Variants in NBR1 observed in about 807,000 individuals in gnomAD.
NBR1 encodes the protein NBR1 autophagy cargo receptor.
NBR1 carries 59 observed loss-of-function variants against 115.5 expected under a neutral mutation model. The ratio of observed to expected loss-of-function variants is 0.51; its 90% confidence interval spans 0.41 to 0.63. The LOEUF is 0.63. Ranked by LOEUF, NBR1 falls within the 30% of genes least tolerant of loss-of-function variation. The pLI, the probability that NBR1 is intolerant of heterozygous loss-of-function variation, is 0.00. For missense variants in NBR1, 1,043 were observed against 1,150.5 expected, an observed-to-expected ratio of 0.91 and a Z score of 1.35; for synonymous variants, 373 against 414.7, an observed-to-expected ratio of 0.90 and a Z score of 1.22.
intron 20 of NBR1, among the ~76,000 whole-genome samples, chr17:43,206,286 G>T (rs560713441): frequency 1.3e-5 from 2 of 152,264 alleles, no homozygotes; most frequent in African/African-American, 4.8e-5. Flanking sequence ...CAATTGAAGG[G>T]TTTTAAGGAA....
At chr17:43,197,134 A>T in intron 16 of NBR1, 28 bp downstream of exon 16, 1 of 1,607,698 alleles carries the variant, frequency 6.2e-7, no homozygotes, top group Non-Finnish European at 8.5e-7. Flanking sequence ...TCCCCTACCT[A>T]GCAGGGTGGC....
At chr17:43,190,502 T>C in intron 8 of NBR1, 107 bp from the exon 9 acceptor site, 3 of 1,227,458 alleles carry the variant, frequency 2.4e-6, no homozygotes, top group Non-Finnish European at 3.5e-6. Context: ...ATGCTCAGGT[T>C]ACCTGCTAGT....
chr17:43,195,212 G>A (rs2057039407), intron 14 of NBR1, 173 bp downstream of exon 14: 1 of 623,296 alleles, frequency 1.6e-6, no homozygotes, highest in African/African-American at 1.9e-5. Context: ...TTTGTCAAAA[G>A]TAACAACATG....
chr17:43,181,306 A>G (rs1309837291), intron 5 of NBR1, among the ~76,000 whole-genome samples: 1 of 152,228 alleles, frequency 6.6e-6, no homozygotes, highest in Non-Finnish European at 1.5e-5. Context: ...GGCAATTCAT[A>G]ATAAAAAGGT....
rs56328645 is a variant in NBR1, at chr17:43,194,235, A to G, written c.1525-115A>G. 4 of 974,102 alleles carry G rather than the reference A, an allele frequency of 4.1e-6. No individual in the cohort carries two copies. The East Asian group carries it at 7.6e-5, about 19-fold the overall frequency. The allele number at this position is 974,102 out of a possible 1,614,324, so 60.3% of individuals were successfully genotyped here. A position where few individuals can be genotyped will look rare whatever the true frequency, so the allele number is the denominator to read the frequency against. On this transcript the variant is annotated intron_variant, in intron 12 of 20. Coordinates refer to ENST00000590996, the MANE Select transcript of NBR1 (RefSeq NM_005899.5). ...ATAACTGTAAAAATATATCAAAAAC[A>G]TTGTTTTTTAAAATATGGAGGTACA...
At chr17:43,181,409 C>T (rs962403853) in intron 5 of NBR1, among the ~76,000 whole-genome samples, 9 of 152,032 alleles carry the variant, frequency 5.9e-5, no homozygotes, top group East Asian at 3.9e-4. Context: ...TGGTGGCTCA[C>T]GCCTGTAATC....
intron 4 of NBR1, 26 bp downstream of exon 4, chr17:43,179,438 G>T (rs750586087): frequency 3.7e-6 from 6 of 1,608,924 alleles, no homozygotes; most frequent in Non-Finnish European, 4.3e-6. Flanking sequence ...AGTCTGTTCA[G>T]CCTTGTTTAA....
Position 43,197,123 on chromosome 17 carries a change from T to G in NBR1, c.2026+17T>G, listed in dbSNP as rs1398836196. On this transcript the variant is annotated intron_variant, in intron 16 of 20. Transcript: ENST00000590996. ...CCTTGCAGAGTGAGTGTCCTTGCAT[T>G]TCCCCTACCTAGCAGGGTGGCACCT... is the stretch of plus-strand genomic sequence containing the variant. 1 of 1,612,356 alleles carries G rather than the reference T, an allele frequency of 6.2e-7. No homozygotes were observed. The highest frequency in any genetic ancestry group is 8.5e-7 in the Non-Finnish European group (1 of 1,179,064).
At chr17:43,193,782 T>G in intron 12 of NBR1, 144 bp downstream of exon 12, 37 of 855,536 alleles carry the variant, frequency 4.3e-5, no homozygotes, top group Non-Finnish European at 6.0e-5. Context: ...AACACATCTC[T>G]ATGCTGATAT....
intron 1 of NBR1, among the ~76,000 whole-genome samples, chr17:43,174,158 G>T (rs1267969992): frequency 1.3e-5 from 2 of 152,062 alleles, no homozygotes; most frequent in African/African-American, 4.8e-5. Flanking sequence ...AAATAATCTA[G>T]TAGGGAAAGG....
chr17:43,201,901 C>T (rs138572696), intron 18 of NBR1, 121 bp downstream of exon 18: 40,072 of 653,676 alleles, frequency 0.061, 1,568 homozygotes, highest in Non-Finnish European at 0.073. Context: ...CTTCACAGGC[C>T]AGGCGTGGTG....
chr17:43,195,160 G>T (rs972464371), intron 14 of NBR1, 121 bp downstream of exon 14: 2 of 759,002 alleles, frequency 2.6e-6, no homozygotes, highest in Non-Finnish European at 4.5e-6. Flanking sequence ...CAGTAGGATA[G>T]TAAAGCAGCA....
chr17:43,184,369 A>ATTTTTTTTTTT lies in NBR1; in HGVS notation c.208-1879_208-1878insTTTTTTTTTTT, dbSNP rs1597977030. Among the ~76,000 whole-genome samples, 19 of 21,794 alleles carry ATTTTTTTTTTT rather than the reference A, an allele frequency of 8.7e-4. 1 individual carries two copies. The highest frequency in any genetic ancestry group is 3.7e-3 in the South Asian group (1 of 270). 14.3% of individuals were successfully genotyped at this position (21,794 alleles called of 152,430 possible). On this transcript the variant is annotated intron_variant, in intron 5 of 20. Coordinates refer to ENST00000590996, the MANE Select transcript of NBR1 (RefSeq NM_005899.5). ...CCACCTCTCATCGCCCCAAAATACT[A>ATTTTTTTTTTT]TTCTTTTTTTTTTTGAGACAGAGTC... is the stretch of plus-strand genomic sequence containing the variant.
At chr17:43,182,160 CTA>C (rs2056684191) in intron 5 of NBR1, among the ~76,000 whole-genome samples, 1 of 148,592 alleles carries the variant, frequency 6.7e-6, no homozygotes, top group Non-Finnish European at 1.5e-5. Context: ...TGTTCTAGAA[CTA>C]TGTTTACTGG....
rs751802649 is a variant in NBR1 at position 43,200,246 on chromosome 17, GGAGGAGGAGGAGGATGAGGAGGAT to G, written c.2125_2148del (p.Glu709_Glu716del). 87 of 1,547,124 alleles carry G rather than the reference GGAGGAGGAGGAGGATGAGGAGGAT, an allele frequency of 5.6e-5. No homozygotes were observed. The highest frequency in any genetic ancestry group is 6.7e-5 in the Non-Finnish European group (77 of 1,143,306). On this transcript the variant is annotated inframe_deletion, in exon 17 of 21. Coordinates refer to ENST00000590996, the MANE Select transcript of NBR1 (RefSeq NM_005899.5). ...ATATCGCTGAGGAAGAAGCTGTCAT[GGAGGAGGAGGAGGATGAGGAGGAT>G]GAGGAGGAGGAGGATGAGCTCAAAG...
intron 12 of NBR1, 24 bp downstream of exon 12, chr17:43,193,662 G>C (rs770321130): frequency 6.3e-7 from 1 of 1,584,950 alleles, no homozygotes; most frequent in Non-Finnish European, 8.6e-7. Context: ...GACAGGCTTT[G>C]GCCTAGTATC....
intron 16 of NBR1, among the ~76,000 whole-genome samples, chr17:43,199,791 C>T (rs1266967650): frequency 6.6e-6 from 1 of 152,182 alleles, no homozygotes; most frequent in Non-Finnish European, 1.5e-5. Context: ...TCCTGCAATA[C>T]TCATCTCCTA....
intron 14 of NBR1, 117 bp from the exon 15 acceptor site, chr17:43,196,364 T>C: frequency 1.7e-6 from 1 of 601,600 alleles, no homozygotes; most frequent in Non-Finnish European, 2.8e-6. Context: ...AAGCATATCT[T>C]GGTTTATTTT....
At position 43,175,604 on chromosome 17, in the gene NBR1, A is replaced by G. The variant is rs2271573; in HGVS notation, c.-9-187A>G. On this transcript the variant is annotated intron_variant, in intron 1 of 20. Coordinates refer to ENST00000590996, the MANE Select transcript of NBR1 (RefSeq NM_005899.5). ...TAGCCTATCTTTCTTTCCTGAAACA[A>G]TTCCTATTTAACAGTGATGGTAAGT... Among the ~76,000 whole-genome samples the G allele has an allele frequency of 0.3, 45,967 of 151,960 alleles. 7,522 individuals carry two copies. The highest frequency in any genetic ancestry group is 0.49 in the South Asian group (2,373 of 4,806).
Sources: allele counts gnomAD v4.1 joint callset (sites outside exome capture counted in the v4.1 genomes callset), GRCh38; gene constraint gnomAD v4.1.1; transcripts MANE v1.5; gene names NCBI Gene and HGNC (gene_info 2026-07-23, HGNC 2026-07-21).